Variants in GLCCI1 observed in about 807,000 individuals in gnomAD.
GLCCI1 encodes the protein glucocorticoid induced 1.
A neutral mutation model predicts 52.2 loss-of-function variants in GLCCI1; 24 were observed. That is an observed-to-expected ratio of 0.46 (90% CI 0.33 to 0.65). The LOEUF (loss-of-function observed/expected upper bound fraction) is 0.65, where lower values mean the gene tolerates loss of function less well. Among genes scored for constraint, GLCCI1 ranks in the 30% least tolerant of loss-of-function variants. GLCCI1 has a pLI of 0.02. For missense variants in GLCCI1, 704 were observed against 701.5 expected, an observed-to-expected ratio of 1.00 and a Z score of -0.04; for synonymous variants, 310 against 276.5, an observed-to-expected ratio of 1.12 and a Z score of -1.20.
chr7:8,027,483 A>G (rs1450063591), intron 3 of GLCCI1, among the ~76,000 whole-genome samples: 3 of 152,068 alleles, frequency 2.0e-5, no homozygotes, highest in Non-Finnish European at 2.9e-5. Context: ...GTGAAACCCT[A>G]TCTCAAAAAT....
Position 8,022,491 on chromosome 7 carries a change from C to T in GLCCI1, c.618C>T (p.Ser206=). Residue 206 remains serine, a synonymous_variant, in exon 3 of 8, where the codon AGC becomes AGT. Transcript: ENST00000223145. ...ATATATATTTTTTAAAGACACCTAG[C>T]TGTTGGGCAGAAGAGGGTGCAGAAA... ...CMKDKATQTP[S]CWAEEGAEKR... is the part of the protein sequence containing the mutation. The T allele has an allele frequency of 7.7e-6, 12 of 1,564,574 alleles. 1 individual carries two copies. The highest frequency in any genetic ancestry group is 1.7e-4 in the Middle Eastern group (1 of 5,866).
chr7:7,988,627 G>A (rs550291177), intron 1 of GLCCI1, among the ~76,000 whole-genome samples: 2 of 152,190 alleles, frequency 1.3e-5, no homozygotes, highest in East Asian at 3.9e-4. Context: ...AACCTAATGT[G>A]GAGAGTAAGG....
rs1382571858 is a variant in GLCCI1 at position 7,968,835 on chromosome 7, G to T, written c.-516G>T. 6.2e-6 allele frequency: 1 copy of T among 160,952 alleles called. No individual in the cohort carries two copies. The highest frequency in any genetic ancestry group is 1.4e-5 in the Non-Finnish European group (1 of 73,316). 10.0% of individuals were successfully genotyped at this position (160,952 alleles called of 1,614,324 possible). The stretch of plus-strand genomic sequence containing the variant: ...GTGAGGAGTGGGTAGAAGCGGCGGC[G>T]GCGGCGGCGGCGTTTGCGGTGGCGC... On this transcript the variant is annotated 5_prime_UTR_variant, in exon 1 of 8. Transcript: ENST00000223145.
In GLCCI1 at chr7:7,986,089, ATCT is replaced by A. The variant is rs150919554; in HGVS notation, c.457+16290_457+16292del. ...TTTGGATATTTTGCTCATGGTTTTT[ATCT>A]TCTTCTTGATCCTGTTACTGTCTGT... On this transcript the variant is annotated intron_variant, in intron 1 of 7. Coordinates refer to ENST00000223145, the MANE Select transcript of GLCCI1 (RefSeq NM_138426.4). Among the ~76,000 whole-genome samples, 985 of 152,276 alleles carry A rather than the reference ATCT, an allele frequency of 6.5e-3. 9 individuals carry two copies. Among genetic ancestry groups the A allele is most frequent in the African/African-American group, 0.023 (940 of 41,566 alleles).
chr7:8,055,474 G>A lies in GLCCI1; in HGVS notation c.738G>A (p.Gln246=), dbSNP rs1473224569. The part of the protein sequence containing the change: ...KLRQQLQRSK[Q]SSRHSKEKDR... ...GGCAGCAACTACAACGCAGTAAACA[G>A]AGTAGTCGTCACAGTAAGGAGAAAG... The change falls in exon 4 of 8, where the codon CAG becomes CAA. Residue 246 remains glutamine, a synonymous_variant. Coordinates refer to ENST00000223145, the MANE Select transcript of GLCCI1 (RefSeq NM_138426.4). The A allele has an allele frequency of 6.2e-7, 1 of 1,613,982 alleles. No homozygotes were observed. The highest frequency in any genetic ancestry group is 1.1e-5 in the South Asian group (1 of 91,074).
intron 3 of GLCCI1, among the ~76,000 whole-genome samples, chr7:8,045,609 G>A (rs10270163): frequency 1.2e-4 from 18 of 152,266 alleles, no homozygotes; most frequent in African/African-American, 2.2e-4. Flanking sequence ...TACTATACCC[G>A]AAATAATTCC....
intron 5 of GLCCI1, among the ~76,000 whole-genome samples, chr7:8,068,397 A>G (rs528743776): frequency 2.0e-5 from 3 of 152,236 alleles, no homozygotes; most frequent in Admixed American, 6.5e-5. Flanking sequence ...CCAGTCTTCA[A>G]GCTCTGAGAT....
chr7:8,003,574 A>T (rs1554259185), intron 1 of GLCCI1, among the ~76,000 whole-genome samples: 1 of 152,218 alleles, frequency 6.6e-6, no homozygotes, highest in Non-Finnish European at 1.5e-5. Context: ...AAATGGATAC[A>T]GGGATAGCAG....
chr7:8,006,827 CTCTTCCTACCCTACAA>C (rs1781161294), intron 2 of GLCCI1, among the ~76,000 whole-genome samples: 1 of 152,212 alleles, frequency 6.6e-6, no homozygotes, highest in Non-Finnish European at 1.5e-5. Flanking sequence ...AAGTCCCATT[CTCTTCCTACCCTACAA>C]TCTATTCTGT....
intron 2 of GLCCI1, among the ~76,000 whole-genome samples, chr7:8,004,679 C>A (rs1346089378): frequency 6.6e-6 from 1 of 152,060 alleles, no homozygotes; most frequent in Non-Finnish European, 1.5e-5. Flanking sequence ...AAGAAGAATA[C>A]TAAAAATATA....
chr7:8,036,976 A>G (rs943332299), intron 3 of GLCCI1, among the ~76,000 whole-genome samples: 1 of 152,222 alleles, frequency 6.6e-6, no homozygotes, highest in Admixed American at 6.5e-5. Flanking sequence ...TGGAAAACCT[A>G]TGTGAGGAGA....
chr7:7,994,121 G>T (rs1274542129), intron 1 of GLCCI1, among the ~76,000 whole-genome samples: 1 of 152,132 alleles, frequency 6.6e-6, no homozygotes, highest in African/African-American at 2.4e-5. Flanking sequence ...AGACATGTTG[G>T]TTCATGCTTG....
At chr7:7,974,844 C>G (rs1257405885) in intron 1 of GLCCI1, among the ~76,000 whole-genome samples, 3 of 152,110 alleles carry the variant, frequency 2.0e-5, no homozygotes, top group Non-Finnish European at 4.4e-5. Flanking sequence ...TCTGGCAGCC[C>G]CTGTCCTAGT....
chr7:8,031,508 G>A (rs747699455), intron 3 of GLCCI1, among the ~76,000 whole-genome samples: 5 of 152,012 alleles, frequency 3.3e-5, no homozygotes, highest in Non-Finnish European at 5.9e-5. Flanking sequence ...ACTATAGTCA[G>A]TAATAATTCA....
intron 3 of GLCCI1, among the ~76,000 whole-genome samples, chr7:8,031,328 TG>T (rs374944664): frequency 2.0e-5 from 3 of 152,142 alleles, no homozygotes; most frequent in African/African-American, 4.8e-5. Context: ...CAGTCATTTG[TG>T]GGATATAAAA....
chr7:8,049,957 T>G (rs1782220877), intron 3 of GLCCI1, among the ~76,000 whole-genome samples: 2 of 152,344 alleles, frequency 1.3e-5, no homozygotes, highest in South Asian at 4.1e-4. Flanking sequence ...AGTCTGGTAT[T>G]AAAATGTCTC....
At chr7:8,004,216 ATTG>A (rs1781102885) in intron 2 of GLCCI1, 157 bp downstream of exon 2, 6 of 684,600 alleles carry the variant, frequency 8.8e-6, no homozygotes, top group Non-Finnish European at 1.1e-5. Context: ...CTTTGCAGTA[ATTG>A]TTTTTTGTCA....
chr7:8,085,824 G>A (rs925381255), intron 7 of GLCCI1, among the ~76,000 whole-genome samples: 12 of 152,308 alleles, frequency 7.9e-5, no homozygotes, highest in Admixed American at 4.6e-4. Flanking sequence ...CGTGATGGAC[G>A]AATGCCCCCT....
At position 7,980,713 on chromosome 7, in the gene GLCCI1, C is replaced by T. The variant is rs79997666; in HGVS notation, c.457+10906C>T. On this transcript the variant is annotated intron_variant, in intron 1 of 7. Coordinates refer to ENST00000223145, the MANE Select transcript of GLCCI1 (RefSeq NM_138426.4). The stretch of plus-strand genomic sequence containing the variant: ...TAATGACAGTGATCAACATGGATCT[C>T]AGTTTCTTATCACTACAGGAGAAAA... 1,385 of 736,156 alleles carry T rather than the reference C, an allele frequency of 1.9e-3. 23 individuals carry two copies. In the East Asian group the frequency reaches 0.033, roughly 18 times the overall value. 45.6% of individuals were successfully genotyped at this position (736,156 alleles called of 1,614,324 possible). A position where few individuals can be genotyped will look rare whatever the true frequency, so the allele number is the denominator to read the frequency against.
Sources: gnomAD v4.1 joint callset for allele counts (sites outside exome capture counted in the v4.1 genomes callset) on GRCh38, gnomAD v4.1.1 for gene constraint, MANE v1.5 for transcripts, NCBI Gene and HGNC (gene_info 2026-07-23, HGNC 2026-07-21) for gene names.